The following SCUBE1 variants were observed in gnomAD, a reference collection of about 807,000 sequenced individuals.
SCUBE1 encodes signal peptide, CUB domain and EGF like domain containing 1, also known as signal peptide, CUB and EGF-like domain-containing protein 1.
A neutral mutation model predicts 124.4 loss-of-function variants in SCUBE1; 59 were observed. The observed-to-expected ratio is 0.47, with a 90% CI of 0.38 to 0.59. The LOEUF (loss-of-function observed/expected upper bound fraction) is 0.59, where lower values mean the gene tolerates loss of function less well. Among genes scored for constraint, SCUBE1 ranks in the 20% least tolerant of loss-of-function variants. The pLI is 0.00. For missense variants in SCUBE1, 1,150 were observed against 1,371.2 expected, an observed-to-expected ratio of 0.84 and a Z score of 2.55; for synonymous variants, 545 against 550.9, an observed-to-expected ratio of 0.99 and a Z score of 0.15.
chr22:43,297,484 G>A (rs1446817206), intron 3 of SCUBE1, among the ~76,000 whole-genome samples: 6 of 152,336 alleles, frequency 3.9e-5, no homozygotes, highest in South Asian at 2.1e-4. Context: ...ATCTCCACTC[G>A]GTCCTCACAG....
Position 43,208,202 on chromosome 22 carries a change from G to A in SCUBE1, c.2604C>T (p.Thr868=). The part of the protein sequence containing the change: ...RKSASPTSIT[T]YETCQTYERP... Reference sequence around the variant, plus strand: ...TCTCGTAGGTCTGGCAGGTCTCATAGGTGGTGATGGACGTGGGAGAGGCTG... The same window carrying A: ...TCTCGTAGGTCTGGCAGGTCTCATAAGTGGTGATGGACGTGGGAGAGGCTG... The change falls in exon 20 of 22, where the codon ACC becomes ACT. Residue 868 remains threonine, a synonymous_variant. Coordinates refer to ENST00000360835, the MANE Select transcript of SCUBE1 (RefSeq NM_173050.5). The A allele has an allele frequency of 6.2e-7, 1 of 1,614,076 alleles. No individual in the cohort carries two copies. The highest frequency in any genetic ancestry group is 8.5e-7 in the Non-Finnish European group (1 of 1,180,002).
intron 4 of SCUBE1, chr22:43,270,181 A>C (rs1924237928): frequency 6.6e-6 from 1 of 152,250 alleles, no homozygotes; most frequent in South Asian, 2.1e-4. Flanking sequence ...AATGCCATGT[A>C]AAATTGCCTT....
At chr22:43,287,482 G>A (rs528076781) in intron 4 of SCUBE1, among the ~76,000 whole-genome samples, 5 of 152,362 alleles carry the variant, frequency 3.3e-5, no homozygotes, top group South Asian at 4.1e-4. Context: ...AGCCAGGGTC[G>A]CAGCCATGCC....
At chr22:43,240,809 C>A (rs971384311) in intron 6 of SCUBE1, among the ~76,000 whole-genome samples, 3 of 152,120 alleles carry the variant, frequency 2.0e-5, no homozygotes, top group African/African-American at 4.8e-5. Context: ...ACGCCCGAAT[C>A]CAGGAGCCAA....
chr22:43,324,780 G>A (rs761134291), intron 2 of SCUBE1, among the ~76,000 whole-genome samples: 1 of 151,746 alleles, frequency 6.6e-6, no homozygotes, highest in Admixed American at 6.6e-5. Context: ...AGATGGTAAA[G>A]CAATGGAGGG....
intron 6 of SCUBE1, among the ~76,000 whole-genome samples, chr22:43,247,730 A>G (rs753527874): frequency 3.3e-4 from 50 of 152,306 alleles, no homozygotes; most frequent in Admixed American, 5.9e-4. Flanking sequence ...GTTGCCCCCC[A>G]GGTAGGTGGG....
At chr22:43,244,207 C>T (rs1388031637) in intron 6 of SCUBE1, among the ~76,000 whole-genome samples, 2 of 152,192 alleles carry the variant, frequency 1.3e-5, no homozygotes, top group African/African-American at 4.8e-5. Flanking sequence ...CTCAGGGTTC[C>T]ACAGGGCACC....
At chr22:43,319,851 C>T in intron 3 of SCUBE1, 86 bp downstream of exon 3, 3 of 1,516,184 alleles carry the variant, frequency 2.0e-6, no homozygotes, top group Non-Finnish European at 1.8e-6. Flanking sequence ...GGAAGGAGAA[C>T]CTTCTCATGG....
intron 1 of SCUBE1, among the ~76,000 whole-genome samples, chr22:43,339,713 C>T (rs2744878): frequency 4.6e-4 from 53 of 115,064 alleles, no homozygotes; most frequent in African/African-American, 1.6e-3. Flanking sequence ...AACCCTCCCC[C>T]ACTCTCCTCA....
intron 3 of SCUBE1, among the ~76,000 whole-genome samples, chr22:43,310,177 G>T (rs1238831698): frequency 3.3e-5 from 5 of 152,016 alleles, no homozygotes; most frequent in Non-Finnish European, 7.4e-5. Flanking sequence ...GATCCTCCAG[G>T]CATCCTGGCC....
rs1921363174 is a variant in SCUBE1, at chr22:43,207,939, G to A, written c.2734+133C>T. The A allele has an allele frequency of 1.3e-5, 13 of 1,036,236 alleles. 1 individual carries two copies. In the South Asian group the frequency reaches 1.8e-4, roughly 15 times the overall value. The allele number at this position is 1,036,236 out of a possible 1,614,324, so 64.2% of individuals were successfully genotyped here. On this transcript the variant is annotated intron_variant, in intron 20 of 21. Transcript: ENST00000360835. ...GCCTGTCTGGCTCTGGCCCCTGACA[G>A]TGTTCGTTCTGCTTCCAGGTCTGTA...
At chr22:43,286,211 T>C (rs1047906001) in intron 4 of SCUBE1, among the ~76,000 whole-genome samples, 11 of 152,258 alleles carry the variant, frequency 7.2e-5, no homozygotes, top group African/African-American at 2.7e-4. Context: ...GAAGCAGGTA[T>C]TATGACTATC....
At chr22:43,311,423 CTTTT>C in intron 3 of SCUBE1, among the ~76,000 whole-genome samples, 1 of 134,848 alleles carries the variant, frequency 7.4e-6, no homozygotes, top group East Asian at 2.2e-4. Context: ...TAATGTAGCA[CTTTT>C]TTTTTTTTTT....
At chr22:43,243,335 G>A (rs1286628967) in intron 6 of SCUBE1, among the ~76,000 whole-genome samples, 3 of 152,214 alleles carry the variant, frequency 2.0e-5, no homozygotes, top group African/African-American at 7.2e-5. Context: ...CAAGGAGAAG[G>A]AAGGCCAGGC....
intron 15 of SCUBE1, among the ~76,000 whole-genome samples, chr22:43,217,806 C>T (rs1229257529): frequency 6.6e-6 from 1 of 152,140 alleles, no homozygotes; most frequent in Admixed American, 6.5e-5. Context: ...CCCTGCAGCA[C>T]GACGCTGCCC....
At chr22:43,259,306 C>T (rs1368815395) in intron 5 of SCUBE1, among the ~76,000 whole-genome samples, 2 of 152,062 alleles carry the variant, frequency 1.3e-5, no homozygotes, top group East Asian at 1.9e-4. Flanking sequence ...CAGTATGGGG[C>T]GTGTTCTTGG....
intron 2 of SCUBE1, among the ~76,000 whole-genome samples, chr22:43,334,233 T>C (rs554717168): frequency 4.6e-5 from 7 of 152,322 alleles, no homozygotes; most frequent in Admixed American, 6.5e-5. Context: ...ATATTTGCCA[T>C]CCCCGAAGTA....
At chr22:43,240,430 C>A (rs1463976689) in intron 6 of SCUBE1, among the ~76,000 whole-genome samples, 1 of 152,252 alleles carries the variant, frequency 6.6e-6, no homozygotes, top group Non-Finnish European at 1.5e-5. Flanking sequence ...CGCAAGGAGC[C>A]TCCCTGATAC....
chr22:43,314,604 G>T (rs1211705544), intron 3 of SCUBE1, among the ~76,000 whole-genome samples: 1 of 152,130 alleles, frequency 6.6e-6, no homozygotes, highest in Admixed American at 6.5e-5. Flanking sequence ...CCCCAAAAGG[G>T]TCCTAAGCCT....
Sources: allele counts gnomAD v4.1 joint callset (sites outside exome capture counted in the v4.1 genomes callset), GRCh38; gene constraint gnomAD v4.1.1; transcripts MANE v1.5; gene names NCBI Gene and HGNC (gene_info 2026-07-23, HGNC 2026-07-21).